The following SLC15A5 variants were observed in gnomAD, a reference collection of about 807,000 sequenced individuals.
SLC15A5 encodes solute carrier family 15 member 5.
Under a neutral mutation model 56.1 loss-of-function variants are expected in SLC15A5, and 58 were observed. That is an observed-to-expected ratio of 1.03 (90% CI 0.84 to 1.29). SLC15A5 has a LOEUF of 1.29. SLC15A5 is among the 50% of genes most tolerant of loss of function. The probability of loss-of-function intolerance (pLI) is 0.00; values close to 1 mark genes in which losing one functional copy is unlikely to be tolerated. For missense variants in SLC15A5, 681 were observed against 672.1 expected (o/e 1.01, Z -0.15); for synonymous variants, 264 against 250.5 (o/e 1.05, Z -0.51).
At position 16,244,634 on chromosome 12, in the gene SLC15A5, G is replaced by A. The variant is rs761557102; in HGVS notation, c.921C>T (p.Leu307=). ...ELHVEDTTFF[L]TLLPLFIFQL... ...GAAAAATGAAGAGAGGGAGAAGGGT[G>A]AGGAAAAATGTTGTGTCTTCTACAT... The change falls in exon 4 of 9, where the codon CTC becomes CTT. Residue 307 remains leucine, a synonymous_variant. Coordinates refer to ENST00000344941, the MANE Select transcript of SLC15A5 (RefSeq NM_001170798.1). The A allele has an allele frequency of 1.3e-6, 2 of 1,537,598 alleles. No homozygotes were observed. The highest frequency in any genetic ancestry group is 1.7e-6 in the Non-Finnish European group (2 of 1,147,048).
At chr12:16,218,543 A>G (rs920640247) in intron 6 of SLC15A5, among the ~76,000 whole-genome samples, 32 of 152,312 alleles carry the variant, frequency 2.1e-4, no homozygotes, top group African/African-American at 7.7e-4. Flanking sequence ...CTATATGGGT[A>G]GCCCATCACT....
At chr12:16,260,220 C>T (rs1487921589) in intron 2 of SLC15A5, among the ~76,000 whole-genome samples, 1 of 152,164 alleles carries the variant, frequency 6.6e-6, no homozygotes, top group African/African-American at 2.4e-5. Flanking sequence ...CTGCCCATTA[C>T]TTGCCACACC....
rs574582805 is a variant in SLC15A5, at chr12:16,265,612, G to A, written c.584+6949C>T. Among the ~76,000 whole-genome samples the A allele has an allele frequency of 3.9e-5, 6 of 152,134 alleles. No individual in the cohort carries two copies. The South Asian group carries it at 1.2e-3, about 32-fold the overall frequency. The stretch of plus-strand genomic sequence containing the variant: ...TCTTGCCTCAGCCTCCCGAGTAGCT[G>A]GCACCACAGGTGCACACCACCATGC... On this transcript the variant is annotated intron_variant, in intron 2 of 8. Transcript: ENST00000344941.
In SLC15A5 at chr12:16,244,759, G is replaced by T; in HGVS notation, c.796C>A (p.Leu266Met). The change falls in exon 4 of 9, where the codon CTG (leucine) becomes ATG (methionine). Residue 266 changes from leucine to methionine, a missense_variant. Leu to Met is a conservative substitution (Grantham distance 15). Transcript: ENST00000344941. The stretch of plus-strand genomic sequence containing the variant: ...CAGTATTGCGGGTGGCATGTTTTCA[G>T]TGCACTAACCAACACCCCAACGCCT... ...LTGVGVLVSALKTCHPQYCHL... is the reference protein window; with the variant it reads ...LTGVGVLVSAMKTCHPQYCHL... 4.6e-6 allele frequency: 7 copies of T among 1,537,814 alleles called. No homozygotes were observed. The highest frequency in any genetic ancestry group is 6.1e-6 in the Non-Finnish European group (7 of 1,147,030).
Position 16,264,562 on chromosome 12 carries a change from T to C in SLC15A5, c.585-6692A>G, listed in dbSNP as rs539962583. ...GGTTTTGAAATGTGAGGATATGAGA[T>C]TTGGGAGGGGCCAGAGGCAGAATGA... On this transcript the variant is annotated intron_variant, in intron 2 of 8. Transcript: ENST00000344941. Among the ~76,000 whole-genome samples the C allele has an allele frequency of 5.1e-3, 775 of 152,114 alleles. 1 individual carries two copies. The highest frequency in any genetic ancestry group is 8.0e-3 in the Non-Finnish European group (541 of 67,990).
At chr12:16,211,732 T>A (rs375786546) in intron 7 of SLC15A5, among the ~76,000 whole-genome samples, 9 of 152,308 alleles carry the variant, frequency 5.9e-5, no homozygotes, top group East Asian at 3.9e-4. Context: ...AAACTATTCC[T>A]GAAATGATTA....
chr12:16,206,423 C>A (rs1024424505), intron 7 of SLC15A5, among the ~76,000 whole-genome samples: 6 of 152,188 alleles, frequency 3.9e-5, no homozygotes, highest in African/African-American at 1.4e-4. Context: ...AGATTCATAG[C>A]TCTCCTACCT....
intron 4 of SLC15A5, among the ~76,000 whole-genome samples, chr12:16,244,319 C>T (rs562723129): frequency 2.6e-5 from 4 of 152,302 alleles, no homozygotes; most frequent in African/African-American, 9.6e-5. Flanking sequence ...ACTATGCATT[C>T]TGAAGTACTG....
At chr12:16,190,301 A>C (rs77131322) in intron 8 of SLC15A5, among the ~76,000 whole-genome samples, 3,147 of 152,280 alleles carry the variant, frequency 0.021, 107 homozygotes, top group African/African-American at 0.069. Context: ...AGCCCCATGC[A>C]AGGGTGGGAT....
intron 2 of SLC15A5, among the ~76,000 whole-genome samples, chr12:16,264,576 G>C (rs1447002560): frequency 6.6e-6 from 1 of 152,154 alleles, no homozygotes; most frequent in Non-Finnish European, 1.5e-5. Flanking sequence ...GGAGGGGCCA[G>C]AGGCAGAATG....
chr12:16,262,789 C>G (rs1864655901), intron 2 of SLC15A5, among the ~76,000 whole-genome samples: 3 of 152,132 alleles, frequency 2.0e-5, no homozygotes. Context: ...GCGAATGGGT[C>G]TAACAAGATA....
At chr12:16,251,329 A>C (rs1864516562) in intron 3 of SLC15A5, among the ~76,000 whole-genome samples, 1 of 151,898 alleles carries the variant, frequency 6.6e-6, no homozygotes, top group African/African-American at 2.4e-5. Context: ...AGAAGGAAAT[A>C]ATAAAGATTA....
chr12:16,266,582 TTA>T (rs1255744730), intron 2 of SLC15A5, among the ~76,000 whole-genome samples: 1 of 152,228 alleles, frequency 6.6e-6, no homozygotes, highest in African/African-American at 2.4e-5. Context: ...CAGTCATGTT[TTA>T]TATATGTCTT....
intron 7 of SLC15A5, among the ~76,000 whole-genome samples, chr12:16,212,133 G>A (rs1265858976): frequency 6.6e-6 from 1 of 152,064 alleles, no homozygotes; most frequent in Non-Finnish European, 1.5e-5. Flanking sequence ...TTTCATTATG[G>A]TCACTTCTGT....
At position 16,235,389 on chromosome 12, in the gene SLC15A5, A is replaced by G. The variant is rs1864343444; in HGVS notation, c.1162+4292T>C. Among the ~76,000 whole-genome samples the G allele has an allele frequency of 6.6e-6, 1 of 151,484 alleles. No homozygotes were observed. The highest frequency in any genetic ancestry group is 6.6e-5 in the Admixed American group (1 of 15,174). On this transcript the variant is annotated intron_variant, in intron 5 of 8. Transcript: ENST00000344941. The surrounding 1 kb of genome is among the most constrained non-coding windows in gnomAD (Gnocchi z 4.1). ...TCTGTAGACCATTGGAATTCATTTC[A>G]GAAGACCCAGCTTCAGTTTATGTTT...
Position 16,243,106 on chromosome 12 carries a change from A to G in SLC15A5, c.975+1474T>C, listed in dbSNP as rs1018928842. Among the ~76,000 whole-genome samples the G allele has an allele frequency of 2.6e-5, 4 of 152,214 alleles. No homozygotes were observed. The highest frequency in any genetic ancestry group is 9.7e-5 in the African/African-American group (4 of 41,444). On this transcript the variant is annotated intron_variant, in intron 4 of 8. Coordinates refer to ENST00000344941, the MANE Select transcript of SLC15A5 (RefSeq NM_001170798.1). The surrounding 1 kb of genome is among the most constrained non-coding windows in gnomAD (Gnocchi z 4.4). ...TTACTCAACTCTGCTATTTTTGTGC[A>G]TAAGCAGACATAGATACGACAAAAC...
intron 5 of SLC15A5, among the ~76,000 whole-genome samples, chr12:16,233,354 A>G (rs1864317058): frequency 6.6e-6 from 1 of 152,248 alleles, no homozygotes; most frequent in Non-Finnish European, 1.5e-5. Flanking sequence ...TTACGTAACA[A>G]GAGAGAAATA....
chr12:16,225,072 G>T (rs1020887733), intron 5 of SLC15A5, among the ~76,000 whole-genome samples: 1 of 152,032 alleles, frequency 6.6e-6, no homozygotes, highest in African/African-American at 2.4e-5. Context: ...ATTTTTTATG[G>T]CTGCATAGTA....
At chr12:16,274,805 G>C (rs912825437) in intron 1 of SLC15A5, among the ~76,000 whole-genome samples, 20 of 152,208 alleles carry the variant, frequency 1.3e-4, no homozygotes, top group East Asian at 7.7e-4. Context: ...TGATATATTT[G>C]TGTAACTTAG....
Sources: gnomAD v4.1 joint callset for allele counts (sites outside exome capture counted in the v4.1 genomes callset) on GRCh38, gnomAD v4.1.1 for gene constraint, Gnocchi (gnomAD v3.1) non-coding constraint, MANE v1.5 for transcripts, NCBI Gene and HGNC (gene_info 2026-07-23, HGNC 2026-07-21) for gene names.